Variants in OR3A2 observed in about 807,000 individuals in gnomAD.
OR3A2 encodes the protein olfactory receptor family 3 subfamily A member 2, also known as olfactory receptor 3A2.
For synonymous variants in OR3A2, 126 were observed against 159.3 expected, an observed-to-expected ratio of 0.79 and a Z score of 1.57; for missense variants, 318 against 392.8, an observed-to-expected ratio of 0.81 and a Z score of 1.61.
chr17:3,351,978 A>G (rs944650950), intron 2 of OR3A2, among the ~76,000 whole-genome samples: 4 of 152,190 alleles, frequency 2.6e-5, no homozygotes, highest in East Asian at 1.9e-4. Context: ...CTGGCTAGCC[A>G]TATGTAGAAA....
At chr17:3,366,671 A>G (rs889168556) in intron 2 of OR3A2, among the ~76,000 whole-genome samples, 1 of 152,180 alleles carries the variant, frequency 6.6e-6, no homozygotes, top group African/African-American at 2.4e-5. Context: ...TTTCACACAC[A>G]CACAAATGCC....
intron 2 of OR3A2, among the ~76,000 whole-genome samples, chr17:3,370,589 T>C (rs547115900): frequency 5.3e-5 from 8 of 152,330 alleles, no homozygotes; most frequent in Non-Finnish European, 1.2e-4. Flanking sequence ...CTTGTTTCTC[T>C]AGTTCCTTAA....
At chr17:3,386,172 G>A (rs2049774961) in exon 1 of OR3A2, 2 of 398,888 alleles carry the variant, frequency 5.0e-6, no homozygotes, top group East Asian at 7.1e-5. Flanking sequence ...TCCCCAGGCT[G>A]CTGGCCGGCC....
intron 2 of OR3A2, among the ~76,000 whole-genome samples, chr17:3,351,889 A>G (rs1390877590): frequency 2.0e-5 from 3 of 152,004 alleles, no homozygotes; most frequent in South Asian, 2.1e-4. Flanking sequence ...CATATCTACA[A>G]CTATCTGATC....
intron 3 of OR3A2, among the ~76,000 whole-genome samples, chr17:3,329,475 C>G (rs1018417052): frequency 1.4e-4 from 20 of 144,102 alleles, no homozygotes; most frequent in East Asian, 8.1e-4. Flanking sequence ...TCCATTTCTT[C>G]TAGATTTTCT....
chr17:3,363,049 G>C (rs2049531836), intron 2 of OR3A2, among the ~76,000 whole-genome samples: 1 of 151,732 alleles, frequency 6.6e-6, no homozygotes, highest in African/African-American at 2.4e-5. Context: ...TTCCCTCTTA[G>C]GCCTCTGGGC....
intron 2 of OR3A2, among the ~76,000 whole-genome samples, chr17:3,342,494 G>C (rs186628567): frequency 6.6e-6 from 1 of 152,242 alleles, no homozygotes; most frequent in Non-Finnish European, 1.5e-5. Flanking sequence ...ATTCCTTTCT[G>C]TTGTTAGTTT....
rs375287323 is a variant in OR3A2, at chr17:3,340,849, A to G, written c.-178-4723T>C. ...AACCTTCTGTCTTGTTGATCTGTCT[A>G]ATGTTGACAGTGGGGTGTTAAAGTC... is the stretch of plus-strand genomic sequence containing the variant. On this transcript the variant is annotated intron_variant, in intron 2 of 4. Coordinates refer to the OR3A2 transcript ENST00000573491. 2.6e-3 allele frequency among the ~76,000 whole-genome samples: 398 copies of G among 152,146 alleles called. 1 individual carries two copies. Among genetic ancestry groups the G allele is most frequent in the Middle Eastern group, 0.017 (5 of 294 alleles).
chr17:3,359,242 C>T lies in OR3A2; in HGVS notation c.-178-23116G>A, dbSNP rs144610808. Among the ~76,000 whole-genome samples the T allele has an allele frequency of 4.2e-3, 639 of 151,650 alleles. 3 individuals are homozygous for T. The highest frequency in any genetic ancestry group is 6.1e-3 in the Non-Finnish European group (413 of 68,002). On this transcript the variant is annotated intron_variant, in intron 2 of 4. Transcript: ENST00000573491. Reference sequence around the variant, plus strand: ...GCTTTATCCAGCTTGCCACTCTGTGCCTTTGAAGTGGGGCATTTAGCCCAT... The same window carrying T: ...GCTTTATCCAGCTTGCCACTCTGTGTCTTTGAAGTGGGGCATTTAGCCCAT...
intron 2 of OR3A2, among the ~76,000 whole-genome samples, chr17:3,349,711 C>T (rs865884497): frequency 6.6e-6 from 1 of 150,804 alleles, no homozygotes; most frequent in African/African-American, 2.4e-5. Context: ...CTCTCCACCC[C>T]AAATCAACAG....
At chr17:3,327,628 G>A (rs1456625115) in intron 3 of OR3A2, among the ~76,000 whole-genome samples, 2 of 115,262 alleles carry the variant, frequency 1.7e-5, no homozygotes, top group Non-Finnish European at 3.3e-5. Context: ...TGAAGTCCTT[G>A]CCCATGCCTA....
At chr17:3,299,866 ATAGT>A (rs1320754528) in intron 3 of OR3A2, among the ~76,000 whole-genome samples, 1 of 152,208 alleles carries the variant, frequency 6.6e-6, no homozygotes, top group Non-Finnish European at 1.5e-5. Context: ...AAATAAAATA[ATAGT>A]TAAAGCACTT....
In OR3A2 at chr17:3,311,564, C is replaced by A; in HGVS notation, c.-85+24469G>T. The A allele has an allele frequency of 2.4e-6, 1 of 425,528 alleles. No homozygotes were observed. Among genetic ancestry groups the A allele is most frequent in the East Asian group, 5.8e-5 (1 of 17,242 alleles). The allele number at this position is 425,528 out of a possible 1,614,324, so 26.4% of individuals were successfully genotyped here. On this transcript the variant is annotated intron_variant, in intron 3 of 4. Coordinates refer to the OR3A2 transcript ENST00000573491. The surrounding 1 kb of genome is among the most constrained non-coding windows in gnomAD (Gnocchi z 4.6). ...CCACCTCTTTTCCAGCTCTCTTGCT[C>A]CAGCATCCACCTCAATGGGCAGCTG...
intron 2 of OR3A2, among the ~76,000 whole-genome samples, chr17:3,361,215 T>C (rs2049512058): frequency 6.7e-6 from 1 of 148,858 alleles, no homozygotes; most frequent in South Asian, 2.1e-4. Flanking sequence ...TTTGGCTGTT[T>C]GTCTGTTGTT....
rs535785559 is a variant in OR3A2 at position 3,381,084 on chromosome 17, G to C, written c.-179+2720C>G. Among the ~76,000 whole-genome samples the C allele has an allele frequency of 1.5e-4, 23 of 152,176 alleles. No homozygotes were observed. In the South Asian group the frequency reaches 4.6e-3, roughly 30 times the overall value. The stretch of plus-strand genomic sequence containing the variant: ...CGGATCTCTGTAGGTGTCTACGTCT[G>C]TGTGTAAGGGACTGAGTGTTTGTAT... On this transcript the variant is annotated intron_variant, in intron 2 of 4. Transcript: ENST00000573491.
In OR3A2 at chr17:3,311,625, C is replaced by T; in HGVS notation, c.-85+24408G>A. The T allele has an allele frequency of 2.8e-6, 1 of 354,632 alleles. No homozygotes were observed. Among genetic ancestry groups the T allele is most frequent in the South Asian group, 2.6e-5 (1 of 39,002 alleles). The allele number at this position is 354,632 out of a possible 1,614,324, so 22.0% of individuals were successfully genotyped here. A position where few individuals can be genotyped will look rare whatever the true frequency, so the allele number is the denominator to read the frequency against. On this transcript the variant is annotated intron_variant, in intron 3 of 4. Transcript: ENST00000573491. The surrounding 1 kb of genome is among the most constrained non-coding windows in gnomAD (Gnocchi z 4.6). ...GGGCCACCTTCATAGGAGTGATCCC[C>T]ATGATCTTTATCTCAGTGTCCTATG...
chr17:3,348,200 G>A (rs1249643423), intron 2 of OR3A2, among the ~76,000 whole-genome samples: 1 of 152,066 alleles, frequency 6.6e-6, no homozygotes, highest in Non-Finnish European at 1.5e-5. Context: ...TAGGTTGCCT[G>A]TTCACTCTGA....
intron 2 of OR3A2, among the ~76,000 whole-genome samples, chr17:3,339,928 T>A (rs965158814): frequency 2.6e-5 from 4 of 152,198 alleles, no homozygotes; most frequent in African/African-American, 9.7e-5. Context: ...GGTAGGCTAT[T>A]AATTATTGCC....
At chr17:3,384,856 C>T (rs892277746) in intron 1 of OR3A2, among the ~76,000 whole-genome samples, 5 of 151,880 alleles carry the variant, frequency 3.3e-5, no homozygotes, top group African/African-American at 1.2e-4. Flanking sequence ...CCATATGGAC[C>T]ACAAGCCTAA....
Sources: gnomAD v4.1 joint callset for allele counts (sites outside exome capture counted in the v4.1 genomes callset) on GRCh38, gnomAD v4.1.1 for gene constraint, Gnocchi (gnomAD v3.1) non-coding constraint, MANE v1.5 for transcripts, NCBI Gene and HGNC (gene_info 2026-07-23, HGNC 2026-07-21) for gene names.